Variants in GBF1 observed in about 807,000 individuals in gnomAD.
GBF1 encodes the protein golgi brefeldin A resistant guanine nucleotide exchange factor 1.
In GBF1, 114 loss-of-function variants were observed where a neutral mutation model predicts 210.5. The observed-to-expected ratio is 0.54, with a 90% confidence interval of 0.47 to 0.63. GBF1 has a LOEUF of 0.63. Ranked by LOEUF, GBF1 falls within the 30% of genes least tolerant of loss-of-function variation. The probability of loss-of-function intolerance (pLI) is 0.00; values close to 1 mark genes in which losing one functional copy is unlikely to be tolerated. For synonymous variants in GBF1, 850 were observed against 889.2 expected, an observed-to-expected ratio of 0.96 and a Z score of 0.78; for missense variants, 1,851 against 2,357.7, an observed-to-expected ratio of 0.79 and a Z score of 4.45.
chr10:102,253,715 T>C (rs1236674493), intron 1 of GBF1, among the ~76,000 whole-genome samples: 2 of 152,172 alleles, frequency 1.3e-5, no homozygotes, highest in Admixed American at 6.5e-5. Flanking sequence ...AGTTTTGCTA[T>C]GATGCCCAGG....
At chr10:102,231,587 C>T in the GBF1 span, 1 of 1,590,118 alleles carries the variant, frequency 6.3e-7, no homozygotes, top group Admixed American at 1.7e-5. Context: ...GGAGAGCATA[C>T]CCGCACGCGG....
At chr10:102,275,484 C>G (rs2074873071) in intron 3 of GBF1, among the ~76,000 whole-genome samples, 1 of 152,038 alleles carries the variant, frequency 6.6e-6, no homozygotes, top group Admixed American at 6.5e-5. Flanking sequence ...CTAGGATTTT[C>G]AAGGGTAGAA....
At position 102,380,231 on chromosome 10, in the gene GBF1, G is replaced by C. The variant is rs1358412491; in HGVS notation, c.4879-18G>C. 2 of 1,555,156 alleles carry C rather than the reference G, an allele frequency of 1.3e-6. No homozygotes were observed. Among genetic ancestry groups the C allele is most frequent in the Non-Finnish European group, 1.8e-6 (2 of 1,126,160 alleles). On this transcript the variant is annotated intron_variant, in intron 36 of 39. Coordinates refer to ENST00000369983, the MANE Select transcript of GBF1 (RefSeq NM_001377137.1). ...GCTCCTACAGTCCCCTCAGCTGAAG[G>C]GGGCTGGTGGGCCATAGGTCTTCCT...
intron 8 of GBF1, among the ~76,000 whole-genome samples, chr10:102,357,614 G>A (rs1289384750): frequency 1.3e-5 from 2 of 152,194 alleles, no homozygotes; most frequent in Non-Finnish European, 2.9e-5. Flanking sequence ...CTACAAGCTA[G>A]TTGAGGAGGA....
At chr10:102,380,474 T>C (rs2060777840) in intron 37 of GBF1, 32 bp from the exon 38 acceptor site, 3 of 1,605,930 alleles carry the variant, frequency 1.9e-6, no homozygotes, top group Non-Finnish European at 2.6e-6. Flanking sequence ...ATGCCCTCTT[T>C]CCTATTCTCA....
At chr10:102,369,076 C>A in intron 23 of GBF1, 135 bp from the exon 24 acceptor site, 1 of 714,332 alleles carries the variant, frequency 1.4e-6, no homozygotes, top group Non-Finnish European at 2.4e-6. Flanking sequence ...GGTTAACCCA[C>A]TCCCACCAGT....
chr10:102,368,280 A>T lies in GBF1; in HGVS notation c.2705A>T (p.Asn902Ile). The T allele has an allele frequency of 6.2e-7, 1 of 1,614,132 alleles. No individual in the cohort carries two copies. Among genetic ancestry groups the T allele is most frequent in the East Asian group, 2.2e-5 (1 of 44,886 alleles). Residue 902 changes from asparagine to isoleucine, a missense_variant, in exon 22 of 40, where the codon AAT becomes ATT. This residue lies in a region of GBF1 where 967 missense variants were observed against 1,247.7 expected (regional missense o/e 0.78). Transcript: ENST00000369983. Reference sequence around the variant, plus strand: ...TTGGTTCGGGAGAACTATGTGTGGAATGTGCTGCTTCATCGAGGTGCCACC... The same window carrying T: ...TTGGTTCGGGAGAACTATGTGTGGATTGTGCTGCTTCATCGAGGTGCCACC... ...TGLVRENYVWNVLLHRGATPE... is the reference protein window; with the variant it reads ...TGLVRENYVWIVLLHRGATPE...
At chr10:102,242,119 C>G (rs546365083), upstream of GBF1, among the ~76,000 whole-genome samples, 1 of 152,358 alleles carries the variant, frequency 6.6e-6, no homozygotes, top group Admixed American at 6.5e-5. Flanking sequence ...ATTTCTCTTT[C>G]TCTCTGCTCC....
the GBF1 span, among the ~76,000 whole-genome samples, chr10:102,237,510 CAA>C: frequency 6.6e-6 from 1 of 152,078 alleles, no homozygotes; most frequent in Non-Finnish European, 1.5e-5. Context: ...TCAGATTTGA[CAA>C]AGTCTAGGCT....
chr10:102,301,674 G>A (rs1407799292), intron 3 of GBF1, among the ~76,000 whole-genome samples: 26 of 145,250 alleles, frequency 1.8e-4, no homozygotes, highest in African/African-American at 2.3e-4. Context: ...ATGGGGCGGC[G>A]GGGCAGAGGC....
At position 102,271,474 on chromosome 10, in the gene GBF1, T is replaced by C. The variant is rs369504864; in HGVS notation, c.163+11358T>C. On this transcript the variant is annotated intron_variant, in intron 3 of 39. Transcript: ENST00000369983. Reference sequence around the variant, plus strand: ...TGTTGAGATTACAGGTGTGAGCCACTGCACCTGGCCCTAGGCTTTTAAAAG... The same window carrying C: ...TGTTGAGATTACAGGTGTGAGCCACCGCACCTGGCCCTAGGCTTTTAAAAG... Among the ~76,000 whole-genome samples, 8 of 150,940 alleles carry C rather than the reference T, an allele frequency of 5.3e-5. No individual in the cohort carries two copies. In the East Asian group the frequency reaches 1.4e-3, roughly 26 times the overall value.
intron 3 of GBF1, among the ~76,000 whole-genome samples, chr10:102,295,575 TGGGAATAGAA>T (rs756649460): frequency 8.9e-4 from 136 of 152,202 alleles, no homozygotes; most frequent in Middle Eastern, 3.4e-3. Context: ...CAAAACAATA[TGGGAATAGAA>T]GGGAATAGAA....
At position 102,366,957 on chromosome 10, in the gene GBF1, T is replaced by C. The variant is rs1053733761; in HGVS notation, c.2434-128T>C. On this transcript the variant is annotated intron_variant, in intron 19 of 39. Coordinates refer to ENST00000369983, the MANE Select transcript of GBF1 (RefSeq NM_001377137.1). The surrounding 1 kb of genome is among the most constrained non-coding windows in gnomAD (Gnocchi z 4.0). ...AAAGAGATCAGCTTCTGTTAAGGAG[T>C]TGGCAAGAGACTGGCCACTTTCTGG... 5.2e-6 allele frequency: 5 copies of C among 963,296 alleles called. No individual in the cohort carries two copies. Among genetic ancestry groups the C allele is most frequent in the Middle Eastern group, 2.3e-4 (1 of 4,420 alleles). 59.7% of individuals were successfully genotyped at this position (963,296 alleles called of 1,614,324 possible).
chr10:102,325,546 G>A (rs1359621135), intron 3 of GBF1, among the ~76,000 whole-genome samples: 3 of 112,574 alleles, frequency 2.7e-5, no homozygotes, highest in Non-Finnish European at 5.5e-5. Context: ...GCAAGACTCC[G>A]TCTCAAAAAA....
chr10:102,360,445 G>C, intron 12 of GBF1, 50 bp downstream of exon 12: 1 of 1,221,688 alleles, frequency 8.2e-7, no homozygotes, highest in Non-Finnish European at 1.2e-6. Context: ...AGGGCCAGGG[G>C]AACACAGGGA....
chr10:102,331,124 TCC>T (rs1589663106), intron 3 of GBF1, among the ~76,000 whole-genome samples: 2 of 152,076 alleles, frequency 1.3e-5, no homozygotes, highest in East Asian at 1.9e-4. Context: ...CCTCTTCCTA[TCC>T]TCTCTCTAAG....
At chr10:102,331,587 AGCCTGG>A (rs1356835179) in intron 3 of GBF1, among the ~76,000 whole-genome samples, 1 of 152,060 alleles carries the variant, frequency 6.6e-6, no homozygotes, top group Non-Finnish European at 1.5e-5. Context: ...GTTCAAGACC[AGCCTGG>A]GCAAGAGAGA....
intron 3 of GBF1, among the ~76,000 whole-genome samples, chr10:102,294,894 C>T (rs1457920439): frequency 6.6e-6 from 1 of 152,076 alleles, no homozygotes; most frequent in East Asian, 1.9e-4. Context: ...ATGATTTTTG[C>T]ACAACAATGA....
At position 102,382,364 on chromosome 10, in the gene GBF1, T is replaced by C. The variant is rs774436173; in HGVS notation, c.*28T>C. The C allele has an allele frequency of 2.6e-6, 4 of 1,561,798 alleles. No homozygotes were observed. The highest frequency in any genetic ancestry group is 3.5e-6 in the Non-Finnish European group (4 of 1,150,176). ...CAGGTCACTCAGAGATCAGGACCAG[T>C]GCTTCCCACCAGGCTTTCCTTGACC... On this transcript the variant is annotated 3_prime_UTR_variant, in exon 40 of 40. Coordinates refer to ENST00000369983, the MANE Select transcript of GBF1 (RefSeq NM_001377137.1).
Sources: allele counts gnomAD v4.1 joint callset (sites outside exome capture counted in the v4.1 genomes callset), GRCh38; gene constraint gnomAD v4.1.1; regional missense constraint gnomAD v4.1.1; non-coding constraint Gnocchi (gnomAD v3.1); transcripts MANE v1.5; gene names NCBI Gene and HGNC (gene_info 2026-07-23, HGNC 2026-07-21).